Variants in TENM2 observed in about 807,000 individuals in gnomAD.
The protein encoded by TENM2 is teneurin transmembrane protein 2, also known as teneurin-2.
In TENM2, 52 loss-of-function variants were observed where a neutral mutation model predicts 245.2. That is an observed-to-expected ratio of 0.21 (90% CI 0.17 to 0.27). The LOEUF (loss-of-function observed/expected upper bound fraction) is 0.27, where lower values mean the gene tolerates loss of function less well. Ranked by LOEUF, TENM2 falls within the 10% of genes least tolerant of loss-of-function variation. The pLI is 1.00. For synonymous variants in TENM2, 1,363 were observed against 1,438.9 expected (o/e 0.95, Z 1.19); for missense variants, 3,046 against 3,666.8 (o/e 0.83, Z 4.37).
intron 4 of TENM2, among the ~76,000 whole-genome samples, chr5:167,957,877 G>A (rs1780686615): frequency 1.3e-5 from 2 of 152,186 alleles, no homozygotes; most frequent in South Asian, 4.1e-4. Flanking sequence ...ATTTGCTGGG[G>A]AGTGTTTTAC....
At chr5:167,091,996 C>T in the TENM2 span, among the ~76,000 whole-genome samples, 2 of 152,052 alleles carry the variant, frequency 1.3e-5, no homozygotes, top group African/African-American at 4.8e-5. Flanking sequence ...CATTTAACAG[C>T]AGGTTCTGGT....
At chr5:167,900,726 C>T (rs532416158) in intron 3 of TENM2, among the ~76,000 whole-genome samples, 16 of 151,954 alleles carry the variant, frequency 1.1e-4, no homozygotes, top group African/African-American at 1.9e-4. Flanking sequence ...TAGTTATGAC[C>T]GTGGCAGAGA....
chr5:168,222,183 G>T (rs1325011008), intron 23 of TENM2, among the ~76,000 whole-genome samples: 1 of 152,216 alleles, frequency 6.6e-6, no homozygotes, highest in Non-Finnish European at 1.5e-5. Context: ...ATTGAAGAAT[G>T]CAGCTTGCAC....
chr5:168,018,803 A>C (rs1438026489), intron 5 of TENM2, among the ~76,000 whole-genome samples: 6 of 152,136 alleles, frequency 3.9e-5, no homozygotes, highest in Non-Finnish European at 8.8e-5. Context: ...TTCACTAAAA[A>C]CTTCCTTCTC....
intron 2 of TENM2, among the ~76,000 whole-genome samples, chr5:167,571,647 C>G (rs955563496): frequency 2.6e-5 from 4 of 152,166 alleles, no homozygotes; most frequent in African/African-American, 4.8e-5. Context: ...TTAAAAAAAT[C>G]TCTCCTTTTG....
At chr5:168,070,819 G>GAGAAAA (rs1554190596) in intron 7 of TENM2, among the ~76,000 whole-genome samples, 48 of 111,562 alleles carry the variant, frequency 4.3e-4, no homozygotes, top group African/African-American at 1.7e-3. Flanking sequence ...GAGAGAGAGA[G>GAGAAAA]AAAAAAAGAA....
intron 2 of TENM2, among the ~76,000 whole-genome samples, chr5:167,439,899 A>G (rs1764784817): frequency 6.6e-6 from 1 of 152,198 alleles, no homozygotes; most frequent in Admixed American, 6.5e-5. Flanking sequence ...TTTAAAAGAT[A>G]TAATATTTTA....
the TENM2 span, among the ~76,000 whole-genome samples, chr5:167,125,500 A>C: frequency 1.3e-5 from 2 of 152,216 alleles, no homozygotes; most frequent in South Asian, 4.1e-4. Context: ...GTTTGATTCT[A>C]ATAGACCCTT....
At chr5:167,669,631 C>G (rs1755804006) in intron 2 of TENM2, among the ~76,000 whole-genome samples, 1 of 151,922 alleles carries the variant, frequency 6.6e-6, no homozygotes, top group African/African-American at 2.4e-5. Flanking sequence ...ACAGCAGTGA[C>G]ACATCACACC....
intron 5 of TENM2, among the ~76,000 whole-genome samples, chr5:168,002,558 A>G (rs895658023): frequency 6.6e-6 from 1 of 152,208 alleles, no homozygotes; most frequent in African/African-American, 2.4e-5. Context: ...CATCTTTGAA[A>G]CTGGTTTTAA....
At chr5:168,184,268 A>C (rs1419304146) in intron 13 of TENM2, among the ~76,000 whole-genome samples, 2 of 152,218 alleles carry the variant, frequency 1.3e-5, no homozygotes, top group Non-Finnish European at 2.9e-5. Flanking sequence ...CTGTGAAACC[A>C]TGACTGCAAA....
At chr5:167,311,046 C>G (rs949341807) in intron 1 of TENM2, among the ~76,000 whole-genome samples, 13 of 152,146 alleles carry the variant, frequency 8.5e-5, no homozygotes, top group Non-Finnish European at 1.0e-4. Context: ...CCTCATCTCA[C>G]TGTTTACTTT....
the TENM2 span, among the ~76,000 whole-genome samples, chr5:167,089,529 G>A: frequency 1.3e-5 from 2 of 152,198 alleles, no homozygotes; most frequent in African/African-American, 4.8e-5. Flanking sequence ...GAATTAACAT[G>A]GATTGTAATT....
At chr5:167,678,445 C>A (rs937426948) in intron 2 of TENM2, among the ~76,000 whole-genome samples, 5 of 152,100 alleles carry the variant, frequency 3.3e-5, no homozygotes, top group Non-Finnish European at 5.9e-5. Flanking sequence ...GTAAAAATAG[C>A]TAATAAGCAG....
chr5:168,015,872 G>A (rs771713969), intron 5 of TENM2, among the ~76,000 whole-genome samples: 13 of 152,152 alleles, frequency 8.5e-5, no homozygotes, highest in African/African-American at 2.2e-4. Context: ...TGAATCCCTC[G>A]TTTAATTCTC....
At chr5:167,575,052 A>T (rs1774546030) in intron 2 of TENM2, among the ~76,000 whole-genome samples, 2 of 149,314 alleles carry the variant, frequency 1.3e-5, no homozygotes, top group South Asian at 2.2e-4. Flanking sequence ...GTCTTTGTTG[A>T]TTCTGTGTTC....
intron 7 of TENM2, among the ~76,000 whole-genome samples, chr5:168,082,749 C>A: frequency 6.6e-6 from 1 of 152,198 alleles, no homozygotes; most frequent in East Asian, 1.9e-4. Flanking sequence ...GTATCACCAG[C>A]GGAGGCTGCA....
the TENM2 span, among the ~76,000 whole-genome samples, chr5:167,051,734 C>G: frequency 6.6e-6 from 1 of 152,070 alleles, no homozygotes; most frequent in Non-Finnish European, 1.5e-5. Flanking sequence ...AATCTTTTTC[C>G]CTTCCCAAAA....
At chr5:168,167,680 C>T (rs1244252865) in intron 13 of TENM2, among the ~76,000 whole-genome samples, 1 of 152,166 alleles carries the variant, frequency 6.6e-6, no homozygotes, top group South Asian at 2.1e-4. Flanking sequence ...TGTTTTGCAC[C>T]TTCTCTTTCA....
Sources: allele counts gnomAD v4.1 joint callset (sites outside exome capture counted in the v4.1 genomes callset), GRCh38; gene constraint gnomAD v4.1.1; transcripts MANE v1.5; gene names NCBI Gene and HGNC (gene_info 2026-07-23, HGNC 2026-07-21).